Variants in SLC25A17 observed in about 807,000 individuals in gnomAD.
SLC25A17 encodes the protein solute carrier family 25 member 17.
A neutral mutation model predicts 38.5 loss-of-function variants in SLC25A17; 26 were observed. The observed-to-expected ratio is 0.68, with a 90% CI of 0.50 to 0.94. The LOEUF (loss-of-function observed/expected upper bound fraction) is 0.94, where lower values mean the gene tolerates loss of function less well. SLC25A17 is among the 40% of genes least tolerant of loss of function. SLC25A17 has a pLI of 0.00. For synonymous variants in SLC25A17, 139 were observed against 136.2 expected (o/e 1.02, Z -0.14); for missense variants, 333 against 372.7 (o/e 0.89, Z 0.88).
chr22:40,780,432 C>T (rs2057284000), intron 4 of SLC25A17, among the ~76,000 whole-genome samples: 1 of 152,174 alleles, frequency 6.6e-6, no homozygotes, highest in Non-Finnish European at 1.5e-5. Context: ...GAGGCATTGC[C>T]TATAATCTAA....
intron 5 of SLC25A17, 111 bp downstream of exon 5, chr22:40,778,898 C>G (rs1245381499): frequency 1.2e-6 from 1 of 858,094 alleles, no homozygotes; most frequent in Non-Finnish European, 1.8e-6. Context: ...ATCAAACAAA[C>G]CCATCAAAAA....
chr22:40,777,069 G>A lies in SLC25A17; in HGVS notation c.664C>T (p.Pro222Ser). ...AKAIATTVTY[P>S]LQTVQSILRF... ...AGAATTGACTGTACCGTCTGCAGGGGATAGGTCACCGTGGTGGCAATCGCT... is the reference window on the plus strand; with the variant it reads ...AGAATTGACTGTACCGTCTGCAGGGAATAGGTCACCGTGGTGGCAATCGCT... The change falls in exon 7 of 9, where the codon CCC becomes TCC. Residue 222 changes from proline to serine, a missense_variant. Pro to Ser is a moderately conservative substitution (Grantham distance 74). Transcript: ENST00000435456. The A allele has an allele frequency of 1.2e-6, 2 of 1,614,132 alleles. No individual in the cohort carries two copies. Among genetic ancestry groups the A allele is most frequent in the Non-Finnish European group, 1.7e-6 (2 of 1,180,000 alleles).
At chr22:40,814,912 C>T (rs559852350) in intron 1 of SLC25A17, among the ~76,000 whole-genome samples, 7 of 151,868 alleles carry the variant, frequency 4.6e-5, no homozygotes, top group Non-Finnish European at 7.4e-5. Flanking sequence ...CTCCACCTCC[C>T]GGGTTCATGC....
At chr22:40,785,316 G>A (rs182309114) in intron 4 of SLC25A17, among the ~76,000 whole-genome samples, 2 of 152,326 alleles carry the variant, frequency 1.3e-5, no homozygotes, top group East Asian at 1.9e-4. Flanking sequence ...CCTGGGAGGC[G>A]GAGGTTGCAG....
intron 4 of SLC25A17, chr22:40,784,722 T>G: frequency 7.3e-6 from 1 of 136,602 alleles, no homozygotes; most frequent in Non-Finnish European, 1.5e-5. Context: ...TGCAGTGAAC[T>G]ATGACTGCAC....
At chr22:40,795,739 G>A (rs1319507783) in intron 2 of SLC25A17, among the ~76,000 whole-genome samples, 1 of 152,116 alleles carries the variant, frequency 6.6e-6, no homozygotes, top group Non-Finnish European at 1.5e-5. Context: ...CACAAAAACT[G>A]GAAGGACAGA....
Position 40,777,310 on chromosome 22 carries a change from G to A in SLC25A17, c.515C>T (p.Ser172Leu). Residue 172 changes from serine to leucine, a missense_variant, in exon 6 of 9, where the codon TCA (serine) becomes TTA (leucine). Transcript: ENST00000435456. ...ISALWNGTFP[S>L]LLLVFNPAIQ... ...GGCAGGATTGAAGACCAACAGCAAT[G>A]AGGGAAATGTGCCATTCCATAAAGC... 1 of 1,614,142 alleles carries A rather than the reference G, an allele frequency of 6.2e-7. No individual in the cohort carries two copies. The highest frequency in any genetic ancestry group is 8.5e-7 in the Non-Finnish European group (1 of 1,179,978).
At chr22:40,819,104 C>T (rs2145720818) in intron 1 of SLC25A17, 91 bp downstream of exon 1, 1 of 1,388,098 alleles carries the variant, frequency 7.2e-7, no homozygotes, top group Non-Finnish European at 1.0e-6. Context: ...CACTACCTCC[C>T]TCTCAGACCC....
chr22:40,776,267 CCA>C (rs1276428436), intron 7 of SLC25A17: 1 of 467,140 alleles, frequency 2.1e-6, no homozygotes, highest in African/African-American at 2.0e-5. Context: ...CCAGGTCCTC[CCA>C]CAGTGTGGAT....
chr22:40,794,871 G>T (rs963893063), intron 2 of SLC25A17, among the ~76,000 whole-genome samples: 3 of 151,802 alleles, frequency 2.0e-5, no homozygotes, highest in African/African-American at 7.3e-5. Context: ...TGCCCACCTC[G>T]GCCTCCCAAA....
intron 1 of SLC25A17, among the ~76,000 whole-genome samples, chr22:40,803,782 C>T (rs1054935511): frequency 7.9e-5 from 12 of 151,328 alleles, no homozygotes; most frequent in African/African-American, 2.7e-4. Flanking sequence ...GCAAGAGTTC[C>T]CTTTTCTCAG....
intron 2 of SLC25A17, among the ~76,000 whole-genome samples, 167 bp downstream of exon 2, chr22:40,798,856 T>A (rs1170645495): frequency 6.6e-6 from 1 of 150,380 alleles, no homozygotes; most frequent in Non-Finnish European, 1.5e-5. Flanking sequence ...GGCAGGAGAA[T>A]CGCTTGAACC....
intron 1 of SLC25A17, among the ~76,000 whole-genome samples, chr22:40,815,779 T>C (rs2057632992): frequency 6.6e-6 from 1 of 152,100 alleles, no homozygotes; most frequent in Non-Finnish European, 1.5e-5. Flanking sequence ...CTACAGAACC[T>C]TTTTTTTCAG....
intron 1 of SLC25A17, among the ~76,000 whole-genome samples, chr22:40,799,340 G>C (rs1472050085): frequency 6.7e-6 from 1 of 149,174 alleles, no homozygotes; most frequent in Non-Finnish European, 1.5e-5. Flanking sequence ...GTCTCACTTT[G>C]TTGCCCAGGC....
At chr22:40,804,767 G>A (rs2057514622) in intron 1 of SLC25A17, among the ~76,000 whole-genome samples, 1 of 152,144 alleles carries the variant, frequency 6.6e-6, no homozygotes, top group Admixed American at 6.5e-5. Flanking sequence ...ACATGCAGGA[G>A]AGCCTCCGGG....
At chr22:40,775,955 A>G (rs529844615) in intron 7 of SLC25A17, among the ~76,000 whole-genome samples, 1 of 152,300 alleles carries the variant, frequency 6.6e-6, no homozygotes, top group East Asian at 1.9e-4. Context: ...TTAGAGCAGC[A>G]TGAGAATGGA....
intron 1 of SLC25A17, among the ~76,000 whole-genome samples, chr22:40,814,754 A>AATATATATATATATATATATATATATAT (rs10527651): frequency 6.7e-5 from 9 of 135,196 alleles, no homozygotes; most frequent in African/African-American, 2.2e-4. Context: ...GTACGTGCAG[A>AATATATATATATATATATATATATATAT]ATATATATAT....
intron 5 of SLC25A17, among the ~76,000 whole-genome samples, chr22:40,778,560 T>C (rs148550590): frequency 9.8e-5 from 15 of 152,386 alleles, no homozygotes; most frequent in Admixed American, 2.6e-4. Flanking sequence ...TTGTCTGTTA[T>C]GCAGCTTTTA....
intron 1 of SLC25A17, among the ~76,000 whole-genome samples, chr22:40,809,030 C>A (rs552648294): frequency 6.6e-6 from 1 of 151,814 alleles, no homozygotes; most frequent in Non-Finnish European, 1.5e-5. Flanking sequence ...CAATGCCATT[C>A]ATCTTATGAC....
Sources: allele counts gnomAD v4.1 joint callset (sites outside exome capture counted in the v4.1 genomes callset), GRCh38; gene constraint gnomAD v4.1.1; transcripts MANE v1.5; gene names NCBI Gene and HGNC (gene_info 2026-07-23, HGNC 2026-07-21).